CSGALNACT1: variants seen among roughly 807,000 people sequenced by gnomAD.
The protein encoded by CSGALNACT1 is beta4GalNAcT-1.
Under a neutral mutation model 51.0 loss-of-function variants are expected in CSGALNACT1, and 52 were observed. The observed-to-expected ratio is 1.02, with a 90% CI of 0.82 to 1.29. The LOEUF (loss-of-function observed/expected upper bound fraction) is 1.29, where lower values mean the gene tolerates loss of function less well. Among genes scored for constraint, CSGALNACT1 ranks in the 50% most tolerant of loss-of-function variants. The probability of loss-of-function intolerance (pLI) is 0.00; values close to 1 mark genes in which losing one functional copy is unlikely to be tolerated. For synonymous variants in CSGALNACT1, 341 were observed against 254.4 expected, an observed-to-expected ratio of 1.34 and a Z score of -3.24; for missense variants, 935 against 679.2, an observed-to-expected ratio of 1.38 and a Z score of -4.19.
Position 19,690,777 on chromosome 8 carries a change from A to G in CSGALNACT1, c.-297+67073T>C, listed in dbSNP as rs2061264676. Among the ~76,000 whole-genome samples, 4 of 152,192 alleles carry G rather than the reference A, an allele frequency of 2.6e-5. No homozygotes were observed. The South Asian group carries it at 8.3e-4, about 32-fold the overall frequency. ...CCCACCCTTTCTATCCTGCAAGCCT[A>G]GGTCTTCCTAAGGACTACTTTGCTC... On this transcript the variant is annotated intron_variant, in intron 1 of 1. Coordinates refer to the CSGALNACT1 transcript ENST00000517494.
At chr8:19,715,447 A>G (rs929065728) in intron 1 of CSGALNACT1, among the ~76,000 whole-genome samples, 1 of 152,208 alleles carries the variant, frequency 6.6e-6, no homozygotes, top group Non-Finnish European at 1.5e-5. Flanking sequence ...TGTTGCTGCA[A>G]AGGACATGAC....
chr8:19,417,345 T>C (rs1206750637), intron 8 of CSGALNACT1, among the ~76,000 whole-genome samples: 3 of 152,134 alleles, frequency 2.0e-5, no homozygotes, highest in South Asian at 2.1e-4. Flanking sequence ...AGACATGACA[T>C]TGTCCAACCT....
upstream of CSGALNACT1, among the ~76,000 whole-genome samples, chr8:19,606,928 G>T (rs1415615355): frequency 1.3e-5 from 2 of 152,132 alleles, no homozygotes. Flanking sequence ...GGCGGAGACG[G>T]GTGGATCACA....
rs5889870 is a variant in CSGALNACT1 at position 19,408,949 on chromosome 8, A to AACACACAC, written c.1228-263_1228-256dup. On this transcript the variant is annotated intron_variant, in intron 8 of 9. Coordinates refer to ENST00000454498, the Ensembl canonical transcript of CSGALNACT1. ...AATGTTTCTAGGGCATAGATATGAAAACACACACACACACACACACACACA... is the reference window on the plus strand; with the variant it reads ...AATGTTTCTAGGGCATAGATATGAAAACACACACACACACACACACACACACACACACA... 3.1e-3 allele frequency among the ~76,000 whole-genome samples: 447 copies of AACACACAC among 142,284 alleles called. 3 individuals carry two copies. Among genetic ancestry groups the AACACACAC allele is most frequent in the East Asian group, 0.026 (125 of 4,852 alleles). The allele number at this position is 142,284 out of a possible 152,430, so 93.3% of individuals were successfully genotyped here.
chr8:19,437,579 C>T (rs1002817847), intron 6 of CSGALNACT1, among the ~76,000 whole-genome samples: 2 of 150,880 alleles, frequency 1.3e-5, no homozygotes, highest in African/African-American at 4.9e-5. Context: ...ACAGATATCA[C>T]TGGTTAACAG....
At chr8:19,661,275 C>A (rs985725605) in intron 1 of CSGALNACT1, among the ~76,000 whole-genome samples, 1 of 152,180 alleles carries the variant, frequency 6.6e-6, no homozygotes, top group African/African-American at 2.4e-5. Context: ...ATCTCTCCAG[C>A]CTTGCAATGG....
intron 3 of CSGALNACT1, among the ~76,000 whole-genome samples, chr8:19,554,965 C>T (rs1014320811): frequency 6.6e-6 from 1 of 150,570 alleles, no homozygotes; most frequent in African/African-American, 2.5e-5. Flanking sequence ...ATGAGCCGGG[C>T]GTGGTGGCTC....
rs1459725715 is a variant in CSGALNACT1, at chr8:19,666,825, GAGAGAGAGAAAGAAAGAA to G, written c.-544+15630_-544+15647del. 1.8e-3 allele frequency among the ~76,000 whole-genome samples: 89 copies of G among 48,294 alleles called. 3 individuals are homozygous for G. The highest frequency in any genetic ancestry group is 2.3e-3 in the African/African-American group (23 of 9,910). 31.7% of individuals were successfully genotyped at this position (48,294 alleles called of 152,430 possible). Reference sequence around the variant, plus strand: ...AAAGAAAGAAAGAGAGAGAGAGAGAGAGAGAGAGAAAGAAAGAAAGAAAGAAAGAAAGAAAGAAAGAAA... The same window carrying G: ...AAAGAAAGAAAGAGAGAGAGAGAGAGAGAAAGAAAGAAAGAAAGAAAGAAA... On this transcript the variant is annotated intron_variant, in intron 1 of 9. Coordinates refer to the CSGALNACT1 transcript ENST00000332246.
At chr8:19,423,985 C>T (rs1335426100) in intron 6 of CSGALNACT1, among the ~76,000 whole-genome samples, 7 of 152,170 alleles carry the variant, frequency 4.6e-5, no homozygotes, top group African/African-American at 7.2e-5. Context: ...CCAGACACCT[C>T]GGCTTGCCTG....
At chr8:19,538,529 T>G (rs1004033622) in intron 3 of CSGALNACT1, among the ~76,000 whole-genome samples, 3 of 152,146 alleles carry the variant, frequency 2.0e-5, no homozygotes, top group Admixed American at 6.6e-5. Flanking sequence ...CCTGACCTCA[T>G]GTCGAACGCA....
intron 3 of CSGALNACT1, 138 bp from the exon 3 acceptor site, chr8:19,506,268 T>G (rs760476785): frequency 3.3e-5 from 12 of 366,138 alleles, no homozygotes; most frequent in Non-Finnish European, 5.9e-5. Flanking sequence ...TATTGTTAAA[T>G]GTGTATAAAT....
chr8:19,660,096 T>G (rs924371231), intron 1 of CSGALNACT1, among the ~76,000 whole-genome samples: 1 of 152,256 alleles, frequency 6.6e-6, no homozygotes, highest in Admixed American at 6.5e-5. Flanking sequence ...AACTAGGATG[T>G]GGCGAAGCCA....
chr8:19,704,908 C>T (rs1484448383), intron 1 of CSGALNACT1, among the ~76,000 whole-genome samples: 1 of 152,144 alleles, frequency 6.6e-6, no homozygotes, highest in Non-Finnish European at 1.5e-5. Context: ...CTCAAACAGA[C>T]TAAAAGGGTA....
chr8:19,611,168 C>A (rs549884319), intron 1 of CSGALNACT1, among the ~76,000 whole-genome samples: 1 of 152,218 alleles, frequency 6.6e-6, no homozygotes, highest in Non-Finnish European at 1.5e-5. Context: ...CTATACTAGA[C>A]ACAGGAGACT....
At chr8:19,599,271 A>T (rs1337404479) in intron 2 of CSGALNACT1, among the ~76,000 whole-genome samples, 2 of 151,870 alleles carry the variant, frequency 1.3e-5, no homozygotes, top group East Asian at 3.9e-4. Flanking sequence ...ATGTGGTTCC[A>T]TTTCGTGGTA....
At chr8:19,468,906 G>C (rs1352240183) in intron 4 of CSGALNACT1, among the ~76,000 whole-genome samples, 1 of 152,170 alleles carries the variant, frequency 6.6e-6, no homozygotes, top group Admixed American at 6.5e-5. Context: ...AATGAGCTCA[G>C]GATGCAGGCT....
chr8:19,517,934 T>A (rs1278220511), intron 3 of CSGALNACT1, among the ~76,000 whole-genome samples: 1 of 152,136 alleles, frequency 6.6e-6, no homozygotes, highest in African/African-American at 2.4e-5. Flanking sequence ...TAGATGCCCA[T>A]GTAATGGCCA....
At chr8:19,559,584 G>A (rs1255601622) in intron 3 of CSGALNACT1, among the ~76,000 whole-genome samples, 2 of 152,228 alleles carry the variant, frequency 1.3e-5, no homozygotes, top group African/African-American at 4.8e-5. Context: ...CAGATAAGCT[G>A]TTAGAATAGT....
intron 1 of CSGALNACT1, among the ~76,000 whole-genome samples, chr8:19,668,252 C>A (rs913224883): frequency 1.3e-5 from 2 of 152,090 alleles, no homozygotes; most frequent in African/African-American, 2.4e-5. Flanking sequence ...TCTCTGCAGT[C>A]ACCTCAGGGA....
Sources: gnomAD v4.1 joint callset for allele counts (sites outside exome capture counted in the v4.1 genomes callset) on GRCh38, gnomAD v4.1.1 for gene constraint, MANE v1.5 for transcripts, NCBI Gene and HGNC (gene_info 2026-07-23, HGNC 2026-07-21) for gene names.